Variants in HECTD2 observed in about 807,000 individuals in gnomAD.
HECTD2 encodes HECT domain E3 ubiquitin protein ligase 2, also known as probable E3 ubiquitin-protein ligase HECTD2.
Under a neutral mutation model 103.2 loss-of-function variants are expected in HECTD2, and 35 were observed. That is an observed-to-expected ratio of 0.34 (90% confidence interval 0.26 to 0.45). The LOEUF is 0.45. HECTD2 is among the 20% of genes least tolerant of loss of function. HECTD2 has a pLI of 1.00. For missense variants in HECTD2, 596 were observed against 937.4 expected (o/e 0.64, Z 4.76); for synonymous variants, 281 against 329.9 (o/e 0.85, Z 1.61).
At chr10:91,410,211 A>T (rs1352625823), upstream of HECTD2, 1 of 151,542 alleles carries the variant, frequency 6.6e-6, no homozygotes, top group African/African-American at 2.4e-5. Context: ...GAGAGCAAGA[A>T]ACCTGTGGGA....
In HECTD2 at chr10:91,499,051, A is replaced by G. The variant is rs1166855130; in HGVS notation, c.1851A>G (p.Val617=). 3.7e-6 allele frequency: 6 copies of G among 1,606,948 alleles called. No individual in the cohort carries two copies. Among genetic ancestry groups the G allele is most frequent in the African/African-American group, 2.7e-5 (2 of 74,766 alleles). The part of the protein sequence containing the change: ...SVTNQNRKEY[V]QLYTDFLLNK... The stretch of plus-strand genomic sequence containing the variant: ...TGTAAAATTGCTTTTCAGAATATGT[A>G]CAGCTTTATACTGACTTCCTTCTGA... The change falls in exon 18 of 21, where the codon GTA becomes GTG. Residue 617 remains valine, a synonymous_variant. Transcript: ENST00000298068.
At chr10:91,429,388 C>T (rs1156745492) in intron 2 of HECTD2, among the ~76,000 whole-genome samples, 2 of 152,062 alleles carry the variant, frequency 1.3e-5, no homozygotes, top group Non-Finnish European at 2.9e-5. Flanking sequence ...TGATGCTGGC[C>T]TCATAAAATG....
chr10:91,483,271 G>T (rs569081356), intron 8 of HECTD2, among the ~76,000 whole-genome samples, 195 bp downstream of exon 8: 2 of 151,948 alleles, frequency 1.3e-5, no homozygotes, highest in Admixed American at 6.6e-5. Flanking sequence ...TGTTTTTAAT[G>T]TAAGTAACCA....
intron 2 of HECTD2, among the ~76,000 whole-genome samples, chr10:91,427,046 T>C (rs1589465774): frequency 1.6e-5 from 2 of 127,800 alleles, no homozygotes; most frequent in South Asian, 2.6e-4. Context: ...TTCCCCTTCC[T>C]GTGTCCATGT....
chr10:91,502,837 C>G (rs1339824866), intron 20 of HECTD2, among the ~76,000 whole-genome samples: 1 of 152,092 alleles, frequency 6.6e-6, no homozygotes, highest in Non-Finnish European at 1.5e-5. Flanking sequence ...ATTATTATTT[C>G]AAGAATATGT....
intron 2 of HECTD2, among the ~76,000 whole-genome samples, chr10:91,425,985 T>C (rs1270868296): frequency 1.3e-5 from 2 of 152,036 alleles, no homozygotes; most frequent in African/African-American, 4.8e-5. Context: ...TGTTAATCTA[T>C]ACTGCAAATA....
chr10:91,496,257 G>A lies in HECTD2; in HGVS notation c.1565G>A (p.Arg522His), dbSNP rs746539671. 6.2e-6 allele frequency: 10 copies of A among 1,612,436 alleles called. No individual in the cohort carries two copies. Among genetic ancestry groups the A allele is most frequent in the East Asian group, 2.2e-5 (1 of 44,820 alleles). ...TATAACAGCATCACCTTGGATATTC[G>A]TTTCCCTCCCTGCTGTTACAAGAAA... ...AVYNSITLDI[R>H]FPPCCYKKLL... The change falls in exon 15 of 21, where the codon CGT (arginine) becomes CAT (histidine). Residue 522 changes from arginine (R) to histidine (H), a missense_variant. By Grantham distance (29) the Arg-to-His change is conservative. This residue lies in a region of HECTD2 where 303 missense variants were observed against 522.5 expected (regional missense o/e 0.58). Transcript: ENST00000298068.
At chr10:91,469,882 A>G (rs1238072542) in intron 5 of HECTD2, among the ~76,000 whole-genome samples, 1 of 152,258 alleles carries the variant, frequency 6.6e-6, no homozygotes, top group Non-Finnish European at 1.5e-5. Flanking sequence ...AGAAAGCTCT[A>G]GCAAGAACAA....
intron 13 of HECTD2, among the ~76,000 whole-genome samples, chr10:91,492,874 A>G (rs1846532013): frequency 1.3e-5 from 2 of 152,090 alleles, no homozygotes; most frequent in African/African-American, 4.8e-5. Flanking sequence ...ATTTTAATAA[A>G]TAAGAATTCA....
At chr10:91,502,018 A>T (rs1369203346) in intron 20 of HECTD2, among the ~76,000 whole-genome samples, 1 of 152,046 alleles carries the variant, frequency 6.6e-6, no homozygotes, top group Non-Finnish European at 1.5e-5. Flanking sequence ...TAAAGCTGGA[A>T]TCTGTTCTTT....
At position 91,514,611 on chromosome 10, in the gene HECTD2, A is replaced by C. The variant is rs546274056; in HGVS notation, c.*2227A>C. On this transcript the variant is annotated 3_prime_UTR_variant, in exon 21 of 21. Transcript: ENST00000298068. ...ACACAGTATTTATCAGTATTTTTTA[A>C]ACATCCTGTCCTTTTTTAAAATCTT... The C allele has an allele frequency of 1.3e-5, 2 of 152,696 alleles. No homozygotes were observed. Among genetic ancestry groups the C allele is most frequent in the South Asian group, 2.1e-4 (1 of 4,822 alleles). The allele number at this position is 152,696 out of a possible 1,614,324, so 9.5% of individuals were successfully genotyped here.
At chr10:91,435,154 A>G (rs773384187) in intron 2 of HECTD2, among the ~76,000 whole-genome samples, 14 of 151,992 alleles carry the variant, frequency 9.2e-5, no homozygotes, top group Non-Finnish European at 1.8e-4. Flanking sequence ...TACTGGCACT[A>G]TAAAAGCCCC....
rs764005903 is a variant in HECTD2 at position 91,499,180 on chromosome 10, G to A, written c.1950+30G>A. ...GTTTATAACTTTAAATCAAGCTTTC[G>A]GTTAGCTTTTGTAGTACTATCATGT... On this transcript the variant is annotated intron_variant, in intron 18 of 20. Transcript: ENST00000298068. 2.0e-4 allele frequency: 272 copies of A among 1,355,132 alleles called. No individual in the cohort carries two copies. In the East Asian group the frequency reaches 4.5e-3, roughly 23 times the overall value. The allele number at this position is 1,355,132 out of a possible 1,614,324, so 83.9% of individuals were successfully genotyped here. A position where few individuals can be genotyped will look rare whatever the true frequency, so the allele number is the denominator to read the frequency against.
intron 1 of HECTD2, among the ~76,000 whole-genome samples, chr10:91,420,328 G>A (rs1000018277): frequency 6.7e-6 from 1 of 149,998 alleles, no homozygotes; most frequent in African/African-American, 2.4e-5. Context: ...GCTCACATTT[G>A]TAATCCCAGC....
intron 2 of HECTD2, among the ~76,000 whole-genome samples, chr10:91,439,076 T>A (rs1318757558): frequency 6.6e-6 from 1 of 152,228 alleles, no homozygotes; most frequent in East Asian, 1.9e-4. Flanking sequence ...AGCTGTTTAG[T>A]TTAATTAGAT....
chr10:91,470,048 C>T (rs1845669308), intron 5 of HECTD2, among the ~76,000 whole-genome samples: 1 of 152,188 alleles, frequency 6.6e-6, no homozygotes, highest in South Asian at 2.1e-4. Context: ...GTACCTAATA[C>T]AGCAGCACCT....
chr10:91,424,480 A>G (rs1031843190), intron 1 of HECTD2, among the ~76,000 whole-genome samples: 1 of 152,160 alleles, frequency 6.6e-6, no homozygotes, highest in Non-Finnish European at 1.5e-5. Flanking sequence ...GTATTCTCTT[A>G]AGCATCTGGA....
rs141175665 is a variant in HECTD2, at chr10:91,510,701, GA to G, written c.2211-1556del. On this transcript the variant is annotated intron_variant, in intron 20 of 20. Transcript: ENST00000298068. Reference sequence around the variant, plus strand: ...ACCTTGTAAACAGCAGAGCACTTTAGAAAAAAATATATTAAAAAACTGAGTT... The same window carrying G: ...ACCTTGTAAACAGCAGAGCACTTTAGAAAAAATATATTAAAAAACTGAGTT... Among the ~76,000 whole-genome samples the G allele has an allele frequency of 3.3e-5, 5 of 152,156 alleles. No homozygotes were observed. In the East Asian group the frequency reaches 9.6e-4, roughly 29 times the overall value.
At chr10:91,504,734 C>G (rs1847073298) in intron 20 of HECTD2, among the ~76,000 whole-genome samples, 11 of 151,956 alleles carry the variant, frequency 7.2e-5, no homozygotes, top group Admixed American at 5.9e-4. Flanking sequence ...CTTCCCCAAT[C>G]TAGCAAGGCA....
Sources: allele counts gnomAD v4.1 joint callset (sites outside exome capture counted in the v4.1 genomes callset), GRCh38; gene constraint gnomAD v4.1.1; regional missense constraint gnomAD v4.1.1; transcripts MANE v1.5; gene names NCBI Gene and HGNC (gene_info 2026-07-23, HGNC 2026-07-21).